SCFD2: variants seen among roughly 807,000 people sequenced by gnomAD.
SCFD2 encodes the protein sec1 family domain containing 2.
In SCFD2, 54 loss-of-function variants were observed where a neutral mutation model predicts 58.9. That is an observed-to-expected ratio of 0.92 (90% CI 0.74 to 1.15). SCFD2 has a LOEUF of 1.15. SCFD2 is among the 50% of genes most tolerant of loss of function. The pLI, the probability that SCFD2 is intolerant of heterozygous loss-of-function variation, is 0.00. For synonymous variants in SCFD2, 321 were observed against 335.9 expected (o/e 0.96, Z 0.49); for missense variants, 805 against 836.6 (o/e 0.96, Z 0.47).
intron 3 of SCFD2, among the ~76,000 whole-genome samples, chr4:53,305,406 C>T (rs1163913712): frequency 6.6e-6 from 1 of 152,062 alleles, no homozygotes; most frequent in Non-Finnish European, 1.5e-5. Context: ...ACTATTCTTT[C>T]CCATTGTGTC....
chr4:53,137,224 T>C (rs1725969386), intron 5 of SCFD2, among the ~76,000 whole-genome samples: 1 of 152,218 alleles, frequency 6.6e-6, no homozygotes, highest in Non-Finnish European at 1.5e-5. Flanking sequence ...AGTGGGGCTT[T>C]CAAGAAAGCT....
At chr4:52,874,246 G>C (rs116710135) in intron 8 of SCFD2, among the ~76,000 whole-genome samples, 185 bp from the exon 9 acceptor site, 4,668 of 152,002 alleles carry the variant, frequency 0.031, 71 homozygotes, top group African/African-American at 0.043. Flanking sequence ...CTGGAAGGAG[G>C]GGGGCACAGT....
intron 4 of SCFD2, among the ~76,000 whole-genome samples, chr4:53,218,986 C>T (rs1191277479): frequency 1.3e-5 from 2 of 152,156 alleles, no homozygotes; most frequent in South Asian, 2.1e-4. Context: ...GTTGCCTGAT[C>T]GTTCCTCTGG....
intron 5 of SCFD2, among the ~76,000 whole-genome samples, chr4:53,137,152 G>C (rs1725966814): frequency 1.3e-5 from 2 of 152,162 alleles, no homozygotes; most frequent in Non-Finnish European, 2.9e-5. Context: ...ACACTCATCA[G>C]ATTCTCTTGC....
chr4:53,178,341 CA>C (rs1037505434), intron 4 of SCFD2, among the ~76,000 whole-genome samples: 5 of 152,154 alleles, frequency 3.3e-5, no homozygotes, highest in African/African-American at 9.7e-5. Flanking sequence ...TGCGGTTCAC[CA>C]ATATCCGCTG....
chr4:53,071,801 G>A (rs557956841), intron 5 of SCFD2, among the ~76,000 whole-genome samples: 14 of 152,148 alleles, frequency 9.2e-5, no homozygotes, highest in African/African-American at 3.4e-4. Context: ...CGACTTAAAT[G>A]TAAGAATTAT....
intron 5 of SCFD2, among the ~76,000 whole-genome samples, chr4:52,997,061 T>A (rs532264442): frequency 6.6e-6 from 1 of 152,346 alleles, no homozygotes; most frequent in African/African-American, 2.4e-5. Context: ...TTCAGGGGCA[T>A]GCATGACTCC....
At chr4:53,066,178 G>T (rs1343057793) in intron 5 of SCFD2, among the ~76,000 whole-genome samples, 3 of 152,036 alleles carry the variant, frequency 2.0e-5, no homozygotes, top group Non-Finnish European at 4.4e-5. Flanking sequence ...AACAGTGCTT[G>T]ACAAAACTCT....
At chr4:53,025,012 G>A (rs1722439191) in intron 5 of SCFD2, among the ~76,000 whole-genome samples, 2 of 152,102 alleles carry the variant, frequency 1.3e-5, no homozygotes, top group Non-Finnish European at 2.9e-5. Flanking sequence ...AGATAAACAG[G>A]GCACATGTGA....
intron 4 of SCFD2, among the ~76,000 whole-genome samples, chr4:53,162,776 C>A (rs1423613321): frequency 6.6e-6 from 1 of 151,494 alleles, no homozygotes; most frequent in Non-Finnish European, 1.5e-5. Context: ...GTGCAGCACA[C>A]CAGCATGGCA....
chr4:53,254,986 C>T (rs1730552324), intron 4 of SCFD2, among the ~76,000 whole-genome samples: 1 of 150,496 alleles, frequency 6.6e-6, no homozygotes, highest in Non-Finnish European at 1.5e-5. Context: ...CATTCTCCTG[C>T]CTCAGCCTCC....
chr4:53,352,699 G>T lies in SCFD2; in HGVS notation c.906C>A (p.Gly302=). The T allele has an allele frequency of 6.2e-7, 1 of 1,613,972 alleles. No homozygotes were observed. Among genetic ancestry groups the T allele is most frequent in the Non-Finnish European group, 8.5e-7 (1 of 1,179,880 alleles). Residue 302 remains glycine (G), a synonymous_variant, in exon 2 of 9, where the codon GGC becomes GGA. Transcript: ENST00000401642. ...TGTTAACCATCACATCATTTGTGTGGCCTGGGAGCTGGGGAAGTGCTGAAA... is the reference window on the plus strand; with the variant it reads ...TGTTAACCATCACATCATTTGTGTGTCCTGGGAGCTGGGGAAGTGCTGAAA... ...KIISALPQLP[G]HTNDVMVNMI...
Position 53,352,751 on chromosome 4 carries a change from T to C in SCFD2, c.854A>G (p.His285Arg), listed in dbSNP as rs1577997447. ...TLDLTGAVGH[H>R]GDNLVEKIIS... is the part of the protein sequence containing the mutation. ...GATCTTCTCTACTAAGTTGTCTCCA[T>C]GATGTCCAACTGCTCCTGTTTAAGC... The change falls in exon 2 of 9, where the codon CAT becomes CGT. Residue 285 changes from histidine to arginine, a missense_variant. Around this residue, in one of 3 missense-constraint regions of SCFD2, gnomAD observed 633 missense variants for 646.8 expected, o/e 0.98. Transcript: ENST00000401642. The C allele has an allele frequency of 3.1e-6, 5 of 1,614,006 alleles. No individual in the cohort carries two copies. Among genetic ancestry groups the C allele is most frequent in the Non-Finnish European group, 2.5e-6 (3 of 1,179,878 alleles).
intron 5 of SCFD2, among the ~76,000 whole-genome samples, chr4:53,106,042 C>A (rs1348911465): frequency 6.6e-6 from 1 of 152,122 alleles, no homozygotes; most frequent in African/African-American, 2.4e-5. Flanking sequence ...ACTGGTGATA[C>A]CCAGTCAAAC....
intron 4 of SCFD2, among the ~76,000 whole-genome samples, chr4:53,153,341 T>A (rs1726569760): frequency 6.6e-6 from 1 of 152,136 alleles, no homozygotes; most frequent in Admixed American, 6.5e-5. Flanking sequence ...GTGCCTACAG[T>A]CTTAAAACCA....
At position 52,892,330 on chromosome 4, in the gene SCFD2, C is replaced by T. The variant is rs1276937896; in HGVS notation, c.1843-6464G>A. Among the ~76,000 whole-genome samples the T allele has an allele frequency of 2.0e-5, 3 of 152,186 alleles. No homozygotes were observed. The East Asian group carries it at 5.8e-4, about 29-fold the overall frequency. On this transcript the variant is annotated intron_variant, in intron 7 of 8. Transcript: ENST00000401642. ...AGACTTTCATCTTCTCACCTTCCCT[C>T]CCCAAGCCAGTCTGCTCTTGTTTCT...
chr4:53,086,815 G>A (rs1314624018), intron 5 of SCFD2, among the ~76,000 whole-genome samples: 1 of 152,132 alleles, frequency 6.6e-6, no homozygotes, highest in African/African-American at 2.4e-5. Flanking sequence ...ACTTATTTGT[G>A]GGTGCCAAAA....
At chr4:53,117,156 C>G (rs1374077067) in intron 5 of SCFD2, among the ~76,000 whole-genome samples, 1 of 152,164 alleles carries the variant, frequency 6.6e-6, no homozygotes, top group African/African-American at 2.4e-5. Context: ...CACGCTGACT[C>G]CTATCAAGCT....
chr4:53,335,294 T>C (rs1457443218), intron 2 of SCFD2, among the ~76,000 whole-genome samples: 2 of 149,868 alleles, frequency 1.3e-5, no homozygotes, highest in Non-Finnish European at 3.0e-5. Context: ...CTGAATCTAA[T>C]TGTGAGGAAA....
Sources: allele counts gnomAD v4.1 joint callset (sites outside exome capture counted in the v4.1 genomes callset), GRCh38; gene constraint gnomAD v4.1.1; regional missense constraint gnomAD v4.1.1; transcripts MANE v1.5; gene names NCBI Gene and HGNC (gene_info 2026-07-23, HGNC 2026-07-21).